KLHL32: variants seen among roughly 807,000 people sequenced by gnomAD.
KLHL32 encodes kelch like family member 32, also known as kelch-like protein 32.
In KLHL32, 35 loss-of-function variants were observed where a neutral mutation model predicts 64.8. That is an observed-to-expected ratio of 0.54 (90% CI 0.41 to 0.72). KLHL32 has a LOEUF of 0.72. Among genes scored for constraint, KLHL32 ranks in the 30% least tolerant of loss-of-function variants. KLHL32 has a pLI of 0.00. For missense variants in KLHL32, 589 were observed against 768.5 expected (o/e 0.77, Z 2.76); for synonymous variants, 259 against 281.0 (o/e 0.92, Z 0.78).
intron 8 of KLHL32, among the ~76,000 whole-genome samples, chr6:97,130,470 A>C (rs1799316656): frequency 6.6e-6 from 1 of 152,212 alleles, no homozygotes; most frequent in African/African-American, 2.4e-5. Context: ...AACATCATGA[A>C]AATTTCAATG....
intron 1 of KLHL32, among the ~76,000 whole-genome samples, chr6:96,933,447 G>GA: frequency 6.6e-6 from 1 of 152,294 alleles, no homozygotes; most frequent in East Asian, 1.9e-4. Context: ...GGCAAGGTTG[G>GA]AAGAAGACTT....
chr6:96,942,276 C>A lies in KLHL32; in HGVS notation c.-66+17250C>A, dbSNP rs114025592. On this transcript the variant is annotated intron_variant, in intron 1 of 10. Transcript: ENST00000369261. The stretch of plus-strand genomic sequence containing the variant: ...CCTGTACTACTGCTGTCCCCCTCAC[C>A]ATCCTTTCCAGCTACTGCTGCCACC... Among the ~76,000 whole-genome samples the A allele has an allele frequency of 9.7e-3, 1,479 of 152,300 alleles. 28 individuals are homozygous for A. The highest frequency in any genetic ancestry group is 0.034 in the African/African-American group (1,416 of 41,568).
At chr6:97,127,274 G>A (rs1798970974) in intron 7 of KLHL32, 130 bp from the exon 8 acceptor site, 2 of 697,396 alleles carry the variant, frequency 2.9e-6, no homozygotes, top group Admixed American at 5.1e-5. Context: ...TTATGTCATG[G>A]GCTCACCATG....
At chr6:96,950,937 A>G (rs1562185509) in intron 1 of KLHL32, among the ~76,000 whole-genome samples, 2 of 152,182 alleles carry the variant, frequency 1.3e-5, no homozygotes, top group Non-Finnish European at 1.5e-5. Flanking sequence ...ACATGTGCAT[A>G]TAGCTGTCAT....
At chr6:97,117,453 C>A (rs943621340) in intron 7 of KLHL32, among the ~76,000 whole-genome samples, 2 of 152,090 alleles carry the variant, frequency 1.3e-5, no homozygotes, top group African/African-American at 4.8e-5. Flanking sequence ...GTGCTCACTC[C>A]CTCTCCACAC....
At position 97,114,503 on chromosome 6, in the gene KLHL32, A is replaced by G. The variant is rs1797610889; in HGVS notation, c.1348A>G (p.Ile450Val). Residue 450 changes from isoleucine (I) to valine (V), a missense_variant, in exon 7 of 11, where the codon ATA becomes GTA. Physicochemically the swap from Ile to Val is conservative, Grantham distance 29. This residue lies in a region of KLHL32 where 226 missense variants were observed against 353.2 expected (regional missense o/e 0.64). Transcript: ENST00000369261. ...ATATGTGGCTGATGGTCTTCTTTGG[A>G]TATCAGGTAGAACATACCTCATGTT... is the stretch of plus-strand genomic sequence containing the variant. ...AGYVADGLLW[I>V]SGGVTNTAQY... 1.2e-6 allele frequency: 2 copies of G among 1,613,478 alleles called. No homozygotes were observed. Among genetic ancestry groups the G allele is most frequent in the African/African-American group, 2.7e-5 (2 of 74,926 alleles).
chr6:97,065,786 T>A (rs527961902), intron 5 of KLHL32, among the ~76,000 whole-genome samples: 2 of 152,332 alleles, frequency 1.3e-5, no homozygotes, highest in East Asian at 3.9e-4. Flanking sequence ...TTCTGTTACC[T>A]CTTAGGTAGT....
rs1788201412 is a variant in KLHL32, at chr6:97,057,555, C to CCCG, written c.313-7073_313-7072insCCG. On this transcript the variant is annotated intron_variant, in intron 4 of 10. Coordinates refer to ENST00000369261, the MANE Select transcript of KLHL32 (RefSeq NM_052904.4). ...ATCCGCTCAGATCTTTTACACCCCC[C>CCCG]TCCCGCCCCCATTTCAAAAAATCAG... Among the ~76,000 whole-genome samples the CCCG allele has an allele frequency of 1.4e-4, 20 of 145,644 alleles. No homozygotes were observed. In the Admixed American group the frequency reaches 1.5e-3, roughly 11 times the overall value.
chr6:96,920,029 G>A (rs915101470), upstream of KLHL32, among the ~76,000 whole-genome samples: 2 of 152,182 alleles, frequency 1.3e-5, no homozygotes, highest in African/African-American at 2.4e-5. Flanking sequence ...TGGAAAGGCA[G>A]GGTCTATTTA....
chr6:97,013,486 G>A (rs1408560976), intron 3 of KLHL32, among the ~76,000 whole-genome samples: 1 of 152,092 alleles, frequency 6.6e-6, no homozygotes, highest in East Asian at 1.9e-4. Flanking sequence ...ATGCTAGGTG[G>A]TGTTTTTGTT....
intron 1 of KLHL32, among the ~76,000 whole-genome samples, chr6:96,959,247 G>A (rs1466833062): frequency 6.6e-6 from 1 of 152,148 alleles, no homozygotes; most frequent in Non-Finnish European, 1.5e-5. Flanking sequence ...TCTGAGCAGA[G>A]CACAGACCAT....
intron 4 of KLHL32, among the ~76,000 whole-genome samples, chr6:97,056,060 C>T (rs184987918): frequency 1.0e-4 from 15 of 149,966 alleles, no homozygotes; most frequent in Non-Finnish European, 2.1e-4. Context: ...CTCACAGCTT[C>T]GTGCAGCATA....
At chr6:97,014,111 G>C (rs1226314875) in intron 3 of KLHL32, among the ~76,000 whole-genome samples, 1 of 151,880 alleles carries the variant, frequency 6.6e-6, no homozygotes, top group African/African-American at 2.4e-5. Flanking sequence ...TCAAGACCAC[G>C]GTGAAACCCC....
At chr6:97,010,073 A>C (rs2128090416) in intron 3 of KLHL32, 1 of 148,702 alleles carries the variant, frequency 6.7e-6, no homozygotes, top group East Asian at 2.0e-4. Context: ...CAAACAAGCT[A>C]CTGGGTTTTT....
intron 3 of KLHL32, 73 bp downstream of exon 3, chr6:96,976,250 AAACCAGG>A (rs1775678135): frequency 1.5e-6 from 2 of 1,371,172 alleles, no homozygotes; most frequent in Non-Finnish European, 2.0e-6. Flanking sequence ...AACTGTCACT[AAACCAGG>A]AGCCAATTAG....
chr6:97,016,408 T>A (rs957635157), intron 3 of KLHL32, among the ~76,000 whole-genome samples: 2 of 152,252 alleles, frequency 1.3e-5, no homozygotes, highest in Non-Finnish European at 2.9e-5. Context: ...ATTTTGGAAC[T>A]TTAAGGTTTA....
chr6:97,008,489 G>A (rs1477399216), intron 3 of KLHL32, among the ~76,000 whole-genome samples: 3 of 152,098 alleles, frequency 2.0e-5, no homozygotes, highest in Non-Finnish European at 1.5e-5. Flanking sequence ...GAGGAGCGTA[G>A]GTGTCCCTGG....
chr6:96,960,513 A>G (rs1480254005), intron 1 of KLHL32, among the ~76,000 whole-genome samples: 6 of 152,232 alleles, frequency 3.9e-5, no homozygotes, highest in African/African-American at 7.2e-5. Flanking sequence ...TTTAAAAATT[A>G]TAAGGTATTA....
At chr6:97,128,966 C>T (rs1302085252) in intron 8 of KLHL32, among the ~76,000 whole-genome samples, 1 of 152,254 alleles carries the variant, frequency 6.6e-6, no homozygotes, top group African/African-American at 2.4e-5. Context: ...AAAGCGTCCT[C>T]AGAGTTTTGA....
Sources: gnomAD v4.1 joint callset for allele counts (sites outside exome capture counted in the v4.1 genomes callset) on GRCh38, gnomAD v4.1.1 for gene constraint, gnomAD v4.1.1 regional missense constraint, MANE v1.5 for transcripts, NCBI Gene and HGNC (gene_info 2026-07-23, HGNC 2026-07-21) for gene names.